Variants in ZDHHC14 observed in about 807,000 individuals in gnomAD.
ZDHHC14 encodes palmitoyltransferase ZDHHC14.
A neutral mutation model predicts 47.7 loss-of-function variants in ZDHHC14; 16 were observed. The observed-to-expected ratio is 0.34, with a 90% CI of 0.23 to 0.51. The LOEUF is 0.51. Ranked by LOEUF, ZDHHC14 falls within the 20% of genes least tolerant of loss-of-function variation. ZDHHC14 has a pLI of 0.97. For missense variants in ZDHHC14, 515 were observed against 662.5 expected, an observed-to-expected ratio of 0.78 and a Z score of 2.44; for synonymous variants, 293 against 278.9, an observed-to-expected ratio of 1.05 and a Z score of -0.50.
At chr6:157,416,980 T>TTTG (rs1777991488) in intron 1 of ZDHHC14, among the ~76,000 whole-genome samples, 1 of 107,034 alleles carries the variant, frequency 9.3e-6, no homozygotes, top group African/African-American at 3.2e-5. Context: ...TAGTTTTTTT[T>TTTG]TTTTTTTTTT....
chr6:157,572,318 C>T (rs1447402459), intron 2 of ZDHHC14, among the ~76,000 whole-genome samples: 1 of 152,212 alleles, frequency 6.6e-6, no homozygotes, highest in East Asian at 1.9e-4. Context: ...CCCCGGGAGG[C>T]AAATCGCCCT....
intron 2 of ZDHHC14, among the ~76,000 whole-genome samples, chr6:157,577,118 G>T (rs1313975969): frequency 1.1e-4 from 16 of 152,092 alleles, no homozygotes; most frequent in Non-Finnish European, 2.2e-4. Flanking sequence ...TGTAGTACTT[G>T]GCCTTCTGTT....
intron 2 of ZDHHC14, among the ~76,000 whole-genome samples, chr6:157,549,224 T>C (rs1333839149): frequency 6.6e-6 from 1 of 152,228 alleles, no homozygotes; most frequent in Non-Finnish European, 1.5e-5. Flanking sequence ...CTCTCCCCGG[T>C]ACAGCCTCGA....
intron 2 of ZDHHC14, among the ~76,000 whole-genome samples, chr6:157,564,144 TA>T (rs1284540232): frequency 2.0e-5 from 3 of 152,220 alleles, no homozygotes; most frequent in African/African-American, 7.2e-5. Context: ...ACCAGATTTT[TA>T]AAAAAATCCA....
intron 2 of ZDHHC14, among the ~76,000 whole-genome samples, chr6:157,557,956 G>A (rs1782544783): frequency 6.6e-6 from 1 of 152,204 alleles, no homozygotes; most frequent in Admixed American, 6.5e-5. Context: ...TCTATAATGT[G>A]AGCCACACAT....
chr6:157,540,890 G>A (rs1781722678), intron 1 of ZDHHC14, among the ~76,000 whole-genome samples: 1 of 124,162 alleles, frequency 8.1e-6, no homozygotes, highest in South Asian at 2.2e-4. Flanking sequence ...ATGTATGTAT[G>A]TGTGTGTGTG....
At chr6:157,557,747 G>A (rs150918546) in intron 2 of ZDHHC14, among the ~76,000 whole-genome samples, 16 of 152,294 alleles carry the variant, frequency 1.1e-4, no homozygotes, top group Non-Finnish European at 2.2e-4. Flanking sequence ...AGCAATAGAT[G>A]GCTCTCAGCT....
At chr6:157,594,810 C>T (rs985049246) in intron 3 of ZDHHC14, among the ~76,000 whole-genome samples, 1 of 152,196 alleles carries the variant, frequency 6.6e-6, no homozygotes, top group African/African-American at 2.4e-5. Context: ...CCATTCCACA[C>T]CTATCTTGGG....
chr6:157,619,354 G>C (rs181638582), intron 3 of ZDHHC14, among the ~76,000 whole-genome samples: 4 of 152,286 alleles, frequency 2.6e-5, no homozygotes, highest in African/African-American at 7.2e-5. Flanking sequence ...TTGCACCACT[G>C]TACTCCAGCC....
At chr6:157,449,947 C>A (rs936191434) in intron 1 of ZDHHC14, among the ~76,000 whole-genome samples, 8 of 152,096 alleles carry the variant, frequency 5.3e-5, no homozygotes, top group African/African-American at 1.9e-4. Context: ...CCTGGTCTGT[C>A]GTATTCTCCC....
At chr6:157,448,583 A>G (rs1406305507) in intron 1 of ZDHHC14, among the ~76,000 whole-genome samples, 3 of 152,214 alleles carry the variant, frequency 2.0e-5, no homozygotes, top group Non-Finnish European at 4.4e-5. Context: ...CTGCATATGT[A>G]GTAGACATAG....
At chr6:157,416,562 C>T (rs1279376934) in intron 1 of ZDHHC14, among the ~76,000 whole-genome samples, 1 of 150,272 alleles carries the variant, frequency 6.7e-6, no homozygotes, top group Non-Finnish European at 1.5e-5. Flanking sequence ...CCAGCTGCTC[C>T]GGAGGCTGAG....
chr6:157,653,719 C>G, intron 8 of ZDHHC14, 92 bp downstream of exon 8: 1 of 1,340,918 alleles, frequency 7.5e-7, no homozygotes, highest in South Asian at 1.2e-5. Context: ...AGCAAACCTC[C>G]CCAGGAGCGG....
At chr6:157,550,263 A>G (rs1374449718) in intron 2 of ZDHHC14, among the ~76,000 whole-genome samples, 1 of 152,174 alleles carries the variant, frequency 6.6e-6, no homozygotes, top group Non-Finnish European at 1.5e-5. Flanking sequence ...CAGACACTCT[A>G]GAGAGACCAC....
In ZDHHC14 at chr6:157,458,849, A is replaced by ATTTTTTTTTTT. The variant is rs750975822; in HGVS notation, c.245+76595_245+76605dup. On this transcript the variant is annotated intron_variant, in intron 1 of 8. Coordinates refer to ENST00000359775, the MANE Select transcript of ZDHHC14 (RefSeq NM_024630.3). ...TACAGGTACTAGCAAATGTGGGTGGATTTTTTTTTTTTTTTTTTTTTTGAG... is the reference window on the plus strand; with the variant it reads ...TACAGGTACTAGCAAATGTGGGTGGATTTTTTTTTTTTTTTTTTTTTTTTTTTTTTTTTGAG... Among the ~76,000 whole-genome samples the ATTTTTTTTTTT allele has an allele frequency of 8.1e-3, 654 of 81,160 alleles. 73 individuals are homozygous for ATTTTTTTTTTT. The highest frequency in any genetic ancestry group is 0.022 in the African/African-American group (481 of 21,768). 53.2% of individuals were successfully genotyped at this position (81,160 alleles called of 152,430 possible).
chr6:157,553,981 C>G (rs559374090), intron 2 of ZDHHC14, among the ~76,000 whole-genome samples: 2 of 152,326 alleles, frequency 1.3e-5, no homozygotes, highest in South Asian at 2.1e-4. Flanking sequence ...TAATTTTCAT[C>G]TGTCCAAATT....
intron 1 of ZDHHC14, among the ~76,000 whole-genome samples, chr6:157,512,492 A>G (rs1246544163): frequency 1.3e-5 from 2 of 152,244 alleles, no homozygotes; most frequent in African/African-American, 4.8e-5. Flanking sequence ...TTCATGCGTG[A>G]GCCACACACA....
chr6:157,469,231 C>T (rs1344759547), intron 1 of ZDHHC14, among the ~76,000 whole-genome samples: 1 of 152,206 alleles, frequency 6.6e-6, no homozygotes, highest in African/African-American at 2.4e-5. Flanking sequence ...CCAAACACAG[C>T]TCACCAAATT....
chr6:157,407,723 G>C (rs535928859), intron 1 of ZDHHC14, among the ~76,000 whole-genome samples: 21 of 152,286 alleles, frequency 1.4e-4, no homozygotes, highest in African/African-American at 4.3e-4. Flanking sequence ...GGCAGAACTC[G>C]GTGCTTATAT....
Sources: gnomAD v4.1 joint callset for allele counts (sites outside exome capture counted in the v4.1 genomes callset) on GRCh38, gnomAD v4.1.1 for gene constraint, MANE v1.5 for transcripts, NCBI Gene and HGNC (gene_info 2026-07-23, HGNC 2026-07-21) for gene names.